Variants in PCDH15 observed in about 807,000 individuals in gnomAD.
PCDH15 encodes protocadherin related 15.
A neutral mutation model predicts 178.5 loss-of-function variants in PCDH15; 129 were observed. The observed-to-expected ratio is 0.72, with a 90% confidence interval of 0.63 to 0.84. The LOEUF (loss-of-function observed/expected upper bound fraction) is 0.84. PCDH15 is among the 40% of genes least tolerant of loss of function. PCDH15 has a pLI of 0.00. For synonymous variants in PCDH15, 800 were observed against 732.0 expected (o/e 1.09, Z -1.50); for missense variants, 2,230 against 2,099.9 (o/e 1.06, Z -1.21).
intron 21 of PCDH15, among the ~76,000 whole-genome samples, chr10:53,987,121 C>T (rs191977259): frequency 1.6e-3 from 238 of 151,964 alleles, no homozygotes; most frequent in African/African-American, 5.5e-3. Flanking sequence ...TAGTAAAAAA[C>T]TTTAATATAA....
chr10:53,961,089 T>C (rs77079553), intron 22 of PCDH15, among the ~76,000 whole-genome samples: 2,320 of 152,196 alleles, frequency 0.015, 55 homozygotes, highest in African/African-American at 0.05. Flanking sequence ...ATCAAATAGA[T>C]ACAGATATTT....
At chr10:55,427,396 T>A (rs555699195) in intron 2 of PCDH15, among the ~76,000 whole-genome samples, 1 of 152,282 alleles carries the variant, frequency 6.6e-6, no homozygotes, top group South Asian at 2.1e-4. Context: ...GCATGATATA[T>A]CTATTACATT....
intron 3 of PCDH15, among the ~76,000 whole-genome samples, chr10:54,887,192 C>T (rs1229965605): frequency 6.6e-6 from 1 of 152,154 alleles, no homozygotes; most frequent in African/African-American, 2.4e-5. Context: ...GTTGAAACAT[C>T]TAAAATTGAT....
At chr10:55,554,697 G>A (rs977699905) in intron 2 of PCDH15, among the ~76,000 whole-genome samples, 3 of 152,010 alleles carry the variant, frequency 2.0e-5, no homozygotes, top group African/African-American at 7.2e-5. Flanking sequence ...TATTAGTGCA[G>A]GTGGTCATGC....
chr10:54,730,188 T>A (rs1162724505), intron 1 of PCDH15, among the ~76,000 whole-genome samples: 2 of 151,584 alleles, frequency 1.3e-5, no homozygotes, highest in East Asian at 3.9e-4. Flanking sequence ...GAAAATGTCA[T>A]ACATATATAC....
intron 3 of PCDH15, among the ~76,000 whole-genome samples, chr10:54,387,733 A>G (rs375763365): frequency 2.0e-5 from 3 of 152,264 alleles, no homozygotes; most frequent in African/African-American, 4.8e-5. Flanking sequence ...CTTCCCTGCT[A>G]TATAAACCCC....
intron 1 of PCDH15, among the ~76,000 whole-genome samples, chr10:54,669,658 C>T (rs574651083): frequency 1.4e-5 from 2 of 147,080 alleles, no homozygotes; most frequent in East Asian, 3.9e-4. Context: ...CCTCTCCCAC[C>T]CGGTCCTGCT....
intron 2 of PCDH15, among the ~76,000 whole-genome samples, chr10:55,085,223 C>T (rs1031065338): frequency 6.6e-6 from 1 of 151,798 alleles, no homozygotes; most frequent in Non-Finnish European, 1.5e-5. Flanking sequence ...GGTATGGGTA[C>T]TGAAGGTCAT....
At chr10:53,814,719 A>C (rs2075998586) in intron 35 of PCDH15, among the ~76,000 whole-genome samples, 1 of 152,064 alleles carries the variant, frequency 6.6e-6, no homozygotes, top group Admixed American at 6.5e-5. Flanking sequence ...TACTCCCAGC[A>C]CTTTGGGAGG....
chr10:55,278,257 T>A (rs1842645767), intron 1 of PCDH15, among the ~76,000 whole-genome samples: 1 of 151,988 alleles, frequency 6.6e-6, no homozygotes, highest in Admixed American at 6.6e-5. Flanking sequence ...TCATGAATAT[T>A]AAAAAAAAGT....
intron 3 of PCDH15, among the ~76,000 whole-genome samples, chr10:54,858,589 TTGTTAGTC>T (rs1953782614): frequency 6.6e-6 from 1 of 152,092 alleles, no homozygotes; most frequent in Non-Finnish European, 1.5e-5. Flanking sequence ...GAGTGCTTCT[TTGTTAGTC>T]AGAATGCTAC....
rs536394418 is a variant in PCDH15 at position 55,506,552 on chromosome 10, G to C, written c.-156+121073C>G. Among the ~76,000 whole-genome samples the C allele has an allele frequency of 1.1e-4, 17 of 151,596 alleles. 1 individual carries two copies. In the East Asian group the frequency reaches 3.1e-3, roughly 28 times the overall value. Reference sequence around the variant, plus strand: ...GGGTTCACAACTGAACCATTTCAAGGCTCAAAAAGAAAAGTCAGATGACGA... The same window carrying C: ...GGGTTCACAACTGAACCATTTCAAGCCTCAAAAAGAAAAGTCAGATGACGA... On this transcript the variant is annotated intron_variant, in intron 2 of 5. Transcript: ENST00000613346.
chr10:54,986,265 A>C (rs1418556958), intron 2 of PCDH15, among the ~76,000 whole-genome samples: 1 of 152,118 alleles, frequency 6.6e-6, no homozygotes, highest in Non-Finnish European at 1.5e-5. Context: ...CAAATAAGTA[A>C]GGAGACAAAA....
At chr10:54,846,890 C>T (rs1953527799) in intron 3 of PCDH15, among the ~76,000 whole-genome samples, 1 of 152,134 alleles carries the variant, frequency 6.6e-6, no homozygotes, top group African/African-American at 2.4e-5. Flanking sequence ...GCGGATGTTA[C>T]ACTGCATTTG....
intron 21 of PCDH15, among the ~76,000 whole-genome samples, chr10:53,971,585 C>A (rs540226038): frequency 6.6e-6 from 1 of 152,272 alleles, no homozygotes; most frequent in African/African-American, 2.4e-5. Flanking sequence ...GCAACTTCAG[C>A]AAAGTCTCAG....
At chr10:54,329,520 A>T (rs1184538963) in intron 7 of PCDH15, 76 bp downstream of exon 7, 13 of 1,071,752 alleles carry the variant, frequency 1.2e-5, no homozygotes, top group Non-Finnish European at 1.9e-5. Flanking sequence ...GCTCTCCAAG[A>T]GTATCTGATA....
intron 3 of PCDH15, among the ~76,000 whole-genome samples, chr10:54,457,665 C>T (rs1282545347): frequency 6.6e-6 from 1 of 151,860 alleles, no homozygotes; most frequent in Admixed American, 6.6e-5. Flanking sequence ...AATTATATAA[C>T]CACATCTAAA....
intron 3 of PCDH15, among the ~76,000 whole-genome samples, chr10:54,388,180 C>G (rs569719382): frequency 6.6e-6 from 1 of 152,270 alleles, no homozygotes; most frequent in South Asian, 2.1e-4. Context: ...ATCAATTATC[C>G]CCCACAAGTA....
intron 2 of PCDH15, among the ~76,000 whole-genome samples, chr10:55,137,187 G>A (rs150886445): frequency 6.6e-6 from 1 of 152,144 alleles, no homozygotes; most frequent in African/African-American, 2.4e-5. Flanking sequence ...TTACAATCAT[G>A]TACCTATGAT....
Sources: gnomAD v4.1 joint callset for allele counts (sites outside exome capture counted in the v4.1 genomes callset) on GRCh38, gnomAD v4.1.1 for gene constraint, MANE v1.5 for transcripts, NCBI Gene and HGNC (gene_info 2026-07-23, HGNC 2026-07-21) for gene names.